Variants in ZNF521 observed in about 807,000 individuals in gnomAD.
ZNF521 encodes LYST-interacting protein 3.
ZNF521 carries 14 observed loss-of-function variants against 105.5 expected under a neutral mutation model. The observed-to-expected ratio is 0.13, with a 90% CI of 0.09 to 0.21. The LOEUF is 0.21. Ranked by LOEUF, ZNF521 falls within the 10% of genes least tolerant of loss-of-function variation. The pLI is 1.00. For synonymous variants in ZNF521, 635 were observed against 606.0 expected (o/e 1.05, Z -0.70); for missense variants, 1,233 against 1,629.7 (o/e 0.76, Z 4.19).
intron 5 of ZNF521, among the ~76,000 whole-genome samples, chr18:25,095,113 C>T (rs905125732): frequency 6.6e-6 from 1 of 152,036 alleles, no homozygotes; most frequent in African/African-American, 2.4e-5. Flanking sequence ...CTGAGTTAAA[C>T]CCCATCTCTT....
intron 3 of ZNF521, among the ~76,000 whole-genome samples, chr18:25,266,549 C>A (rs1221320386): frequency 6.6e-6 from 1 of 152,064 alleles, no homozygotes; most frequent in Non-Finnish European, 1.5e-5. Context: ...ACTGAGGTAC[C>A]CAGTTCATCT....
intron 3 of ZNF521, among the ~76,000 whole-genome samples, chr18:25,280,185 C>G (rs1250489790): frequency 1.3e-5 from 2 of 152,166 alleles, no homozygotes; most frequent in Non-Finnish European, 2.9e-5. Flanking sequence ...GCCCTCCTGC[C>G]TCAGACTCTC....
intron 2 of ZNF521, among the ~76,000 whole-genome samples, chr18:25,329,315 T>C (rs1393361413): frequency 2.6e-5 from 4 of 152,168 alleles, no homozygotes. Flanking sequence ...ATCACTTTTC[T>C]GCATATGTTA....
chr18:25,283,378 C>A (rs549519723), intron 3 of ZNF521, among the ~76,000 whole-genome samples: 2 of 152,282 alleles, frequency 1.3e-5, no homozygotes, highest in African/African-American at 4.8e-5. Context: ...AAAATCAGAG[C>A]CTAATTCAGG....
At position 25,225,833 on chromosome 18, in the gene ZNF521, G is replaced by C. The variant is rs1189790913; in HGVS notation, c.2085C>G (p.Ile695Met). 7 of 1,614,108 alleles carry C rather than the reference G, an allele frequency of 4.3e-6. No homozygotes were observed. The highest frequency in any genetic ancestry group is 5.9e-6 in the Non-Finnish European group (7 of 1,180,044). Residue 695 changes from isoleucine to methionine, a missense_variant, in exon 4 of 8, where the codon ATC becomes ATG. Physicochemically the swap from Ile to Met is conservative, Grantham distance 10 (BLOSUM62 1). Around this residue, in one of 6 missense-constraint regions of ZNF521, gnomAD observed 614 missense variants for 751.5 expected, o/e 0.82. Transcript: ENST00000361524. The surrounding 1 kb of genome is among the most constrained non-coding windows in gnomAD (Gnocchi z 5.6). ...IHFMITSTYY[I>M]CESCDKQFTS... ...TGAATTGCTTGTCACAACTCTCACAGATGTAATACGTTGAAGTGATCATAA... is the reference window on the plus strand; with the variant it reads ...TGAATTGCTTGTCACAACTCTCACACATGTAATACGTTGAAGTGATCATAA...
intron 5 of ZNF521, among the ~76,000 whole-genome samples, chr18:25,116,940 TATACAC>T (rs1567968628): frequency 6.9e-6 from 1 of 144,890 alleles, no homozygotes; most frequent in Admixed American, 7.0e-5. Flanking sequence ...TATACGTATA[TATACAC>T]ATATATATGT....
chr18:25,089,772 G>A (rs774461250), intron 6 of ZNF521, among the ~76,000 whole-genome samples, 192 bp from the exon 7 acceptor site: 5 of 152,138 alleles, frequency 3.3e-5, no homozygotes, highest in South Asian at 2.1e-4. Context: ...TGCACTCTAC[G>A]GAGCACCTAA....
intron 7 of ZNF521, among the ~76,000 whole-genome samples, chr18:25,074,887 G>T (rs934416108): frequency 3.9e-5 from 6 of 152,126 alleles, no homozygotes; most frequent in African/African-American, 1.4e-4. Flanking sequence ...GCAGAGATGT[G>T]CTGTAGCTAT....
chr18:25,317,402 T>C (rs190594705), intron 3 of ZNF521, among the ~76,000 whole-genome samples: 4 of 152,252 alleles, frequency 2.6e-5, no homozygotes, highest in Non-Finnish European at 4.4e-5. Flanking sequence ...AACATAAGAA[T>C]AACTATAGGG....
rs549965677 is a variant in ZNF521, at chr18:25,062,051, G to A, written c.*661C>T. 6 of 195,836 alleles carry A rather than the reference G, an allele frequency of 3.1e-5. No homozygotes were observed. The highest frequency in any genetic ancestry group is 3.8e-4 in the South Asian group (2 of 5,200). The allele number at this position is 195,836 out of a possible 1,614,324, so 12.1% of individuals were successfully genotyped here. A position where few individuals can be genotyped will look rare whatever the true frequency, so the allele number is the denominator to read the frequency against. On this transcript the variant is annotated 3_prime_UTR_variant, in exon 8 of 8. Transcript: ENST00000361524. ...TCAACTGATTCAAGAATTTGGCTGC[G>A]TGAAATCATTAAGGAAAACCTTGAA...
intron 2 of ZNF521, among the ~76,000 whole-genome samples, chr18:25,328,106 CAGA>C (rs1913337476): frequency 6.6e-6 from 1 of 152,138 alleles, no homozygotes; most frequent in South Asian, 2.1e-4. Context: ...AATTGTTTTA[CAGA>C]AGAAGAAAAG....
intron 2 of ZNF521, among the ~76,000 whole-genome samples, chr18:25,350,300 T>G (rs960153068): frequency 2.6e-5 from 4 of 151,668 alleles, no homozygotes; most frequent in African/African-American, 9.7e-5. Context: ...AGGGGTGCTC[T>G]GAGGCCCGAG....
At chr18:25,312,567 C>CT (rs558802908) in intron 3 of ZNF521, among the ~76,000 whole-genome samples, 1,476 of 37,884 alleles carry the variant, frequency 0.039, 481 homozygotes, top group Non-Finnish European at 0.068. Flanking sequence ...AATCCCAGCA[C>CT]TTTGGGAGGC....
chr18:25,229,440 A>G (rs150876469), intron 3 of ZNF521, among the ~76,000 whole-genome samples: 174 of 152,324 alleles, frequency 1.1e-3, no homozygotes, highest in Admixed American at 2.3e-3. Context: ...ACATGTTTCC[A>G]GCATAAGAAA....
chr18:25,130,958 C>T (rs2034631072), intron 5 of ZNF521, among the ~76,000 whole-genome samples: 1 of 151,850 alleles, frequency 6.6e-6, no homozygotes, highest in African/African-American at 2.4e-5. Context: ...ATCAATCAAT[C>T]AATCAATCAA....
chr18:25,350,969 T>C, intron 1 of ZNF521, 22 bp from the exon 2 acceptor site: 2 of 1,544,012 alleles, frequency 1.3e-6, no homozygotes, highest in Non-Finnish European at 1.7e-6. Context: ...CAGCTGAAGT[T>C]GTTTCAATTC....
chr18:25,317,000 G>A lies in ZNF521; in HGVS notation c.220+5008C>T, dbSNP rs573358711. Among the ~76,000 whole-genome samples the A allele has an allele frequency of 6.6e-5, 10 of 152,088 alleles. No individual in the cohort carries two copies. The East Asian group carries it at 7.8e-4, about 12-fold the overall frequency. On this transcript the variant is annotated intron_variant, in intron 3 of 7. Coordinates refer to ENST00000361524, the MANE Select transcript of ZNF521 (RefSeq NM_015461.3). Reference sequence around the variant, plus strand: ...CTCCAAAGTAGCTGTGACTACAGGCGTGCGCCACTATGCCCTGCTAACTTT... The same window carrying A: ...CTCCAAAGTAGCTGTGACTACAGGCATGCGCCACTATGCCCTGCTAACTTT...
chr18:25,208,821 G>A (rs1301404763), intron 4 of ZNF521, among the ~76,000 whole-genome samples: 2 of 151,814 alleles, frequency 1.3e-5, no homozygotes, highest in Non-Finnish European at 2.9e-5. Flanking sequence ...CTGAACTGCT[G>A]GCACATGCCA....
chr18:25,171,392 AATGGAACAAAAGAAAGTT>A (rs1402188746), intron 5 of ZNF521, among the ~76,000 whole-genome samples: 5 of 152,294 alleles, frequency 3.3e-5, no homozygotes, highest in East Asian at 1.9e-4. Flanking sequence ...TGCATGTGCT[AATGGAACAAAAGAAAGTT>A]ATGGAATATC....
Sources: allele counts gnomAD v4.1 joint callset (sites outside exome capture counted in the v4.1 genomes callset), GRCh38; gene constraint gnomAD v4.1.1; regional missense constraint gnomAD v4.1.1; non-coding constraint Gnocchi (gnomAD v3.1); transcripts MANE v1.5; gene names NCBI Gene and HGNC (gene_info 2026-07-23, HGNC 2026-07-21).